Variants in PIEZO2 observed in about 807,000 individuals in gnomAD.
PIEZO2 encodes the protein piezo type mechanosensitive ion channel component 2.
PIEZO2 carries 172 observed loss-of-function variants against 337.3 expected under a neutral mutation model. The observed-to-expected ratio is 0.51, with a 90% CI of 0.45 to 0.58. PIEZO2 has a LOEUF of 0.58. PIEZO2 is among the 20% of genes least tolerant of loss of function. The probability of loss-of-function intolerance (pLI) is 0.00; values close to 1 mark genes in which losing one functional copy is unlikely to be tolerated. For missense variants in PIEZO2, 3,028 were observed against 3,391.3 expected (o/e 0.89, Z 2.66); for synonymous variants, 1,251 against 1,228.5 (o/e 1.02, Z -0.38).
In PIEZO2 at chr18:10,673,231, T is replaced by C. The variant is rs1211198132; in HGVS notation, c.8162-358A>G. On this transcript the variant is annotated intron_variant, in intron 54 of 55. Coordinates refer to ENST00000674853, the MANE Select transcript of PIEZO2 (RefSeq NM_001378183.1). This position sits in a 1 kb window ranked among gnomAD's most constrained non-coding sequence, Gnocchi z 4.8. ...ACTTGTGATCAAATCAACCAGTCCA[T>C]TCATATTACCAGCATTTGTTGCATG... Among the ~76,000 whole-genome samples, 2 of 152,222 alleles carry C rather than the reference T, an allele frequency of 1.3e-5. No individual in the cohort carries two copies. Among genetic ancestry groups the C allele is most frequent in the Non-Finnish European group, 2.9e-5 (2 of 68,040 alleles).
chr18:10,851,155 CTTT>C (rs10592305), intron 7 of PIEZO2, among the ~76,000 whole-genome samples: 97 of 127,916 alleles, frequency 7.6e-4, no homozygotes, highest in East Asian at 2.2e-3. Flanking sequence ...TTTCTTTTAT[CTTT>C]TTTTTTTTTT....
intron 1 of PIEZO2, among the ~76,000 whole-genome samples, chr18:11,137,552 C>T (rs1449203026): frequency 6.6e-6 from 1 of 152,178 alleles, no homozygotes; most frequent in Admixed American, 6.5e-5. Context: ...CAGATTTGTT[C>T]GTTAGACCTT....
intron 4 of PIEZO2, among the ~76,000 whole-genome samples, chr18:10,896,892 G>A (rs2042916547): frequency 6.6e-6 from 1 of 152,186 alleles, no homozygotes; most frequent in African/African-American, 2.4e-5. Flanking sequence ...GTGGTATGCA[G>A]GATTGTTTAC....
chr18:10,994,853 G>C (rs530911365), intron 2 of PIEZO2, among the ~76,000 whole-genome samples: 1 of 151,794 alleles, frequency 6.6e-6, no homozygotes, highest in Non-Finnish European at 1.5e-5. Flanking sequence ...AGGCCAAAGC[G>C]GGCGGATCAC....
intron 5 of PIEZO2, among the ~76,000 whole-genome samples, chr18:10,860,967 G>A (rs910470613): frequency 2.0e-5 from 3 of 152,342 alleles, no homozygotes; most frequent in Middle Eastern, 3.4e-3. Flanking sequence ...TTGCCAAGCT[G>A]AGAGCCAAGA....
Position 10,724,511 on chromosome 18 carries a change from TC to T in PIEZO2, c.5030-6253del. 6.7e-6 allele frequency: 3 copies of T among 447,862 alleles called. No individual in the cohort carries two copies. Among genetic ancestry groups the T allele is most frequent in the Non-Finnish European group, 1.2e-5 (3 of 254,220 alleles). The allele number at this position is 447,862 out of a possible 1,614,324, so 27.7% of individuals were successfully genotyped here. A position where few individuals can be genotyped will look rare whatever the true frequency, so the allele number is the denominator to read the frequency against. ...TGCGGAGTACAGGGCCTGCTGGTCCTCTGGTCACACCCACTCATGCTGGTCT... is the reference window on the plus strand; with the variant it reads ...TGCGGAGTACAGGGCCTGCTGGTCCTTGGTCACACCCACTCATGCTGGTCT... On this transcript the variant is annotated intron_variant, in intron 36 of 55. Transcript: ENST00000674853. This position sits in a 1 kb window ranked among gnomAD's most constrained non-coding sequence, Gnocchi z 5.8.
intron 7 of PIEZO2, among the ~76,000 whole-genome samples, chr18:10,814,927 C>T (rs2144402496): frequency 6.6e-6 from 1 of 152,248 alleles, no homozygotes; most frequent in African/African-American, 2.4e-5. Flanking sequence ...AGAGTTCAAC[C>T]TTACGGATTA....
At chr18:10,958,272 G>A (rs1453117290) in intron 3 of PIEZO2, among the ~76,000 whole-genome samples, 1 of 152,118 alleles carries the variant, frequency 6.6e-6, no homozygotes, top group Non-Finnish European at 1.5e-5. Context: ...TACTGAATAA[G>A]CTCGCTTTAT....
At chr18:10,924,575 G>A (rs916767603) in intron 3 of PIEZO2, among the ~76,000 whole-genome samples, 1 of 152,180 alleles carries the variant, frequency 6.6e-6, no homozygotes. Context: ...CAAAATGACT[G>A]AGAAAAGTAG....
intron 2 of PIEZO2, among the ~76,000 whole-genome samples, chr18:11,018,923 C>T (rs1398436675): frequency 1.3e-5 from 2 of 152,084 alleles, no homozygotes; most frequent in African/African-American, 4.8e-5. Context: ...TATTTTTCTC[C>T]ACTTTAGTAA....
At chr18:10,883,339 C>T (rs138617306) in intron 4 of PIEZO2, among the ~76,000 whole-genome samples, 55 of 152,156 alleles carry the variant, frequency 3.6e-4, no homozygotes, top group Non-Finnish European at 6.5e-4. Flanking sequence ...TTGAGGAAGT[C>T]CATACTGTTC....
intron 14 of PIEZO2, among the ~76,000 whole-genome samples, chr18:10,790,865 C>T (rs2039387185): frequency 6.6e-6 from 1 of 152,106 alleles, no homozygotes. Flanking sequence ...CCACTACGCC[C>T]GGCTAGTTTT....
rs1162546084 is a variant in PIEZO2, at chr18:10,763,072, C to A, written c.2973G>T (p.Leu991Phe). 9 of 1,537,040 alleles carry A rather than the reference C, an allele frequency of 5.9e-6. No homozygotes were observed. Among genetic ancestry groups the A allele is most frequent in the Middle Eastern group, 1.7e-4 (1 of 5,986 alleles). The part of the protein sequence containing the change: ...KEVSLFNYVF[L>F]ISWAFALPYA... The stretch of plus-strand genomic sequence containing the variant: ...ACGGCAGAGCAAAAGCCCAAGAAAT[C>A]AAAAATACATAGTTGAACAGAGACA... The change falls in exon 22 of 56, where the codon TTG (leucine) becomes TTT (phenylalanine). Residue 991 changes from leucine (L) to phenylalanine (F), a missense_variant. Physicochemically the swap from Leu to Phe is conservative, Grantham distance 22. Transcript: ENST00000674853.
In PIEZO2 at chr18:10,702,676, A is replaced by C. The variant is rs531856953; in HGVS notation, c.6259-505T>G. Among the ~76,000 whole-genome samples the C allele has an allele frequency of 2.0e-5, 3 of 152,296 alleles. No individual in the cohort carries two copies. The East Asian group carries it at 5.8e-4, about 29-fold the overall frequency. On this transcript the variant is annotated intron_variant, in intron 42 of 55. Coordinates refer to ENST00000674853, the MANE Select transcript of PIEZO2 (RefSeq NM_001378183.1). Reference sequence around the variant, plus strand: ...CACATTAGTCTGGGAGCCACTAAAAAACAGAAATGAATATTTGCTTTCTAT... The same window carrying C: ...CACATTAGTCTGGGAGCCACTAAAACACAGAAATGAATATTTGCTTTCTAT...
At chr18:10,780,158 G>C (rs537707152) in intron 18 of PIEZO2, among the ~76,000 whole-genome samples, 167 bp downstream of exon 18, 2 of 152,136 alleles carry the variant, frequency 1.3e-5, no homozygotes, top group Admixed American at 6.5e-5. Flanking sequence ...GGCACCAGTC[G>C]GTACAGATAC....
At chr18:10,886,092 C>T (rs1598629640) in intron 4 of PIEZO2, among the ~76,000 whole-genome samples, 1 of 150,454 alleles carries the variant, frequency 6.6e-6, no homozygotes, top group Non-Finnish European at 1.5e-5. Flanking sequence ...AAATCACTAA[C>T]ACACACACAC....
In PIEZO2 at chr18:10,718,554, C is replaced by G. The variant is rs112834586; in HGVS notation, c.5030-295G>C. Among the ~76,000 whole-genome samples the G allele has an allele frequency of 7.3e-3, 1,118 of 152,184 alleles. 19 individuals are homozygous for G. Among genetic ancestry groups the G allele is most frequent in the African/African-American group, 0.024 (1,002 of 41,510 alleles). On this transcript the variant is annotated intron_variant, in intron 36 of 55. Transcript: ENST00000674853. ...TGAGTTCAGAATGGCTTTTATATTT[C>G]TAATAGTTGAAAAATCTAAAGGAGA...
chr18:10,728,428 A>G (rs2036625549), intron 36 of PIEZO2: 1 of 152,242 alleles, frequency 6.6e-6, no homozygotes, highest in Non-Finnish European at 1.5e-5. Context: ...ATTATGACGT[A>G]TAAATGTTTG....
chr18:10,991,232 ACAT>A (rs1364802690), intron 2 of PIEZO2, among the ~76,000 whole-genome samples: 3 of 147,920 alleles, frequency 2.0e-5, no homozygotes, highest in African/African-American at 2.6e-5. Context: ...ACACACACAC[ACAT>A]TTTTTTTTCT....
Sources: allele counts gnomAD v4.1 joint callset (sites outside exome capture counted in the v4.1 genomes callset), GRCh38; gene constraint gnomAD v4.1.1; non-coding constraint Gnocchi (gnomAD v3.1); transcripts MANE v1.5; gene names NCBI Gene and HGNC (gene_info 2026-07-23, HGNC 2026-07-21).